DLG2: variants seen among roughly 807,000 people sequenced by gnomAD.
DLG2 encodes discs large MAGUK scaffold protein 2.
DLG2 carries 45 observed loss-of-function variants against 132.5 expected under a neutral mutation model. The observed-to-expected ratio is 0.34, with a 90% CI of 0.27 to 0.44. The LOEUF (loss-of-function observed/expected upper bound fraction) is 0.44. Ranked by LOEUF, DLG2 falls within the 20% of genes least tolerant of loss-of-function variation. The pLI, the probability that DLG2 is intolerant of heterozygous loss-of-function variation, is 1.00. For synonymous variants in DLG2, 424 were observed against 419.6 expected (o/e 1.01, Z -0.13); for missense variants, 1,045 against 1,196.9 (o/e 0.87, Z 1.87).
intron 7 of DLG2, among the ~76,000 whole-genome samples, chr11:84,261,206 A>G (rs1475452170): frequency 6.6e-6 from 1 of 152,184 alleles, no homozygotes. Context: ...ACAATGTGGG[A>G]TCACTAAATT....
intron 3 of DLG2, among the ~76,000 whole-genome samples, chr11:85,494,951 A>C (rs948607878): frequency 6.6e-6 from 1 of 152,146 alleles, no homozygotes; most frequent in African/African-American, 2.4e-5. Flanking sequence ...TTAAACAAAC[A>C]ACAAAGGCCT....
At chr11:84,853,615 A>G (rs1006514023) in intron 6 of DLG2, among the ~76,000 whole-genome samples, 3 of 152,020 alleles carry the variant, frequency 2.0e-5, no homozygotes, top group African/African-American at 7.2e-5. Context: ...GGTCTTAGGA[A>G]TTGGAGAAAA....
chr11:83,689,915 TTATA>T (rs1002869165), intron 18 of DLG2, among the ~76,000 whole-genome samples: 3 of 144,662 alleles, frequency 2.1e-5, no homozygotes, highest in South Asian at 4.2e-4. Context: ...TATGTAAATA[TTATA>T]TATTTACATA....
At chr11:85,060,985 G>C (rs138942133) in intron 6 of DLG2, among the ~76,000 whole-genome samples, 1 of 151,588 alleles carries the variant, frequency 6.6e-6, no homozygotes, top group East Asian at 1.9e-4. Flanking sequence ...TTCGCTGATG[G>C]TTAGTGATGT....
chr11:83,701,151 C>T (rs1008830308), intron 18 of DLG2, among the ~76,000 whole-genome samples: 8 of 151,944 alleles, frequency 5.3e-5, no homozygotes, highest in Non-Finnish European at 7.4e-5. Context: ...TGGGTAGCTG[C>T]CATATTGTTA....
intron 7 of DLG2, among the ~76,000 whole-genome samples, chr11:84,322,680 C>T (rs1417358585): frequency 6.6e-6 from 1 of 151,562 alleles, no homozygotes; most frequent in African/African-American, 2.4e-5. Context: ...ACCTCCACAT[C>T]CCAGGTTCTG....
chr11:83,806,949 T>A (rs2046054609), intron 17 of DLG2, among the ~76,000 whole-genome samples: 1 of 152,180 alleles, frequency 6.6e-6, no homozygotes, highest in Admixed American at 6.6e-5. Flanking sequence ...TTGAAAGGCA[T>A]AATTCTCTAT....
chr11:85,314,915 C>T (rs2080550109), intron 3 of DLG2, among the ~76,000 whole-genome samples: 1 of 151,934 alleles, frequency 6.6e-6, no homozygotes, highest in African/African-American at 2.4e-5. Flanking sequence ...AGTGTTGTGT[C>T]GTCCAGCCCA....
chr11:84,789,695 T>C (rs1048220064), intron 6 of DLG2, among the ~76,000 whole-genome samples: 1 of 152,142 alleles, frequency 6.6e-6, no homozygotes, highest in African/African-American at 2.4e-5. Flanking sequence ...TTTTTAACCA[T>C]TAACCATCTC....
intron 3 of DLG2, among the ~76,000 whole-genome samples, chr11:85,376,057 A>C: frequency 6.6e-6 from 1 of 152,356 alleles, no homozygotes; most frequent in Middle Eastern, 3.4e-3. Flanking sequence ...TTTCAACCTA[A>C]TAAGTAGTTA....
chr11:84,600,965 A>G (rs76467469), intron 6 of DLG2, among the ~76,000 whole-genome samples: 1,848 of 152,306 alleles, frequency 0.012, 27 homozygotes, highest in Non-Finnish European at 0.019. Context: ...ACACAAGGTA[A>G]AAATAAAAGC....
intron 7 of DLG2, among the ~76,000 whole-genome samples, chr11:84,353,537 C>A (rs947041422): frequency 6.6e-6 from 1 of 152,096 alleles, no homozygotes; most frequent in Non-Finnish European, 1.5e-5. Context: ...ATGAGATTAC[C>A]TTAAATCAAG....
intron 7 of DLG2, among the ~76,000 whole-genome samples, chr11:84,296,269 G>GAA (rs148134280): frequency 0.17 from 25,116 of 151,732 alleles, 2,329 homozygotes; most frequent in African/African-American, 0.23. Flanking sequence ...AAAATACTTA[G>GAA]AATGAACAAC....
intron 7 of DLG2, among the ~76,000 whole-genome samples, chr11:84,414,803 G>A (rs1168885300): frequency 1.3e-5 from 2 of 152,140 alleles, no homozygotes; most frequent in Admixed American, 6.6e-5. Flanking sequence ...ATTATGGAAT[G>A]ATGTTTAATT....
At chr11:84,360,557 G>A (rs1378098366) in intron 7 of DLG2, among the ~76,000 whole-genome samples, 2 of 151,992 alleles carry the variant, frequency 1.3e-5, no homozygotes, top group Non-Finnish European at 2.9e-5. Context: ...CCAGCTTACT[G>A]CCTGGAGGCA....
chr11:84,807,724 T>C (rs1250401328), intron 6 of DLG2, among the ~76,000 whole-genome samples: 1 of 152,134 alleles, frequency 6.6e-6, no homozygotes, highest in Non-Finnish European at 1.5e-5. Context: ...CCAGATAAAG[T>C]ATACTTCAGA....
intron 6 of DLG2, among the ~76,000 whole-genome samples, chr11:84,950,770 C>T (rs1228057105): frequency 2.6e-5 from 4 of 151,950 alleles, no homozygotes; most frequent in Admixed American, 1.3e-4. Flanking sequence ...GCCTACATGC[C>T]TATCTGCGGA....
At chr11:84,848,560 A>C (rs1044257473) in intron 6 of DLG2, among the ~76,000 whole-genome samples, 1 of 152,102 alleles carries the variant, frequency 6.6e-6, no homozygotes, top group Non-Finnish European at 1.5e-5. Flanking sequence ...AGCTTTTTAC[A>C]TGGAAGTGTA....
intron 4 of DLG2, among the ~76,000 whole-genome samples, chr11:85,173,089 G>A (rs573255730): frequency 2.8e-4 from 43 of 152,066 alleles, no homozygotes; most frequent in Middle Eastern, 3.4e-3. Context: ...CTAGCAAATC[G>A]GGCCAACATT....
Sources: allele counts gnomAD v4.1 joint callset (sites outside exome capture counted in the v4.1 genomes callset), GRCh38; gene constraint gnomAD v4.1.1; transcripts MANE v1.5; gene names NCBI Gene and HGNC (gene_info 2026-07-23, HGNC 2026-07-21).